Variants in SPEF2 observed in about 807,000 individuals in gnomAD.
The protein encoded by SPEF2 is sperm flagellar and cilia associated 2.
In SPEF2, 187 loss-of-function variants were observed where a neutral mutation model predicts 224.6. The observed-to-expected ratio is 0.83, with a 90% CI of 0.74 to 0.94. SPEF2 has a LOEUF of 0.94. SPEF2 is among the 40% of genes least tolerant of loss of function. The pLI, the probability that SPEF2 is intolerant of heterozygous loss-of-function variation, is 0.00. For missense variants in SPEF2, 2,170 were observed against 2,135.6 expected, an observed-to-expected ratio of 1.02 and a Z score of -0.32; for synonymous variants, 715 against 707.3, an observed-to-expected ratio of 1.01 and a Z score of -0.17.
chr5:35,694,378 C>G lies in SPEF2; in HGVS notation c.1975+15C>G, dbSNP rs765514030. ...AACAATGCTTAGTAAGATCTCAAAA[C>G]AAATCATCTATTATTTACATTAGAG... On this transcript the variant is annotated intron_variant, in intron 13 of 36. Transcript: ENST00000356031. 1.3e-6 allele frequency: 2 copies of G among 1,592,852 alleles called. No homozygotes were observed. The highest frequency in any genetic ancestry group is 2.3e-5 in the East Asian group (1 of 43,852).
In SPEF2 at chr5:35,749,807, C is replaced by G. The variant is rs573575686; in HGVS notation, c.3331-3817C>G. On this transcript the variant is annotated intron_variant, in intron 23 of 36. Coordinates refer to ENST00000356031, the MANE Select transcript of SPEF2 (RefSeq NM_024867.4). Reference sequence around the variant, plus strand: ...AGCAATCTACAAATTCAATGCAATCCCCATCAAAATACCACCAACAGTCTT... The same window carrying G: ...AGCAATCTACAAATTCAATGCAATCGCCATCAAAATACCACCAACAGTCTT... Among the ~76,000 whole-genome samples, 35 of 152,062 alleles carry G rather than the reference C, an allele frequency of 2.3e-4. 1 individual carries two copies. Among genetic ancestry groups the G allele is most frequent in the African/African-American group, 8.2e-4 (34 of 41,488 alleles).
rs1179331525 is a variant in SPEF2 at position 35,751,033 on chromosome 5, ATACACATATG to A, written c.3331-2588_3331-2579del. On this transcript the variant is annotated intron_variant, in intron 23 of 36. Coordinates refer to ENST00000356031, the MANE Select transcript of SPEF2 (RefSeq NM_024867.4). ...TATACGTATATATATACGTATATAT[ATACACATATG>A]TATATATATATACGTATATATATGT... Among the ~76,000 whole-genome samples the A allele has an allele frequency of 3.7e-3, 364 of 98,088 alleles. 10 individuals carry two copies. Among genetic ancestry groups the A allele is most frequent in the African/African-American group, 0.013 (341 of 25,680 alleles). 64.3% of individuals were successfully genotyped at this position (98,088 alleles called of 152,430 possible).
chr5:35,751,428 T>C (rs997354721), intron 23 of SPEF2, among the ~76,000 whole-genome samples: 2 of 151,416 alleles, frequency 1.3e-5, no homozygotes, highest in Non-Finnish European at 2.9e-5. Context: ...AACTTACTTA[T>C]GTACCCAAAT....
At chr5:35,733,946 T>C (rs1415176797) in intron 21 of SPEF2, among the ~76,000 whole-genome samples, 1 of 152,220 alleles carries the variant, frequency 6.6e-6, no homozygotes, top group Non-Finnish European at 1.5e-5. Context: ...TAAGTTGTTG[T>C]AGGACTTTAA....
intron 15 of SPEF2, 66 bp from the exon 16 acceptor site, chr5:35,700,430 C>A: frequency 7.2e-7 from 1 of 1,389,626 alleles, no homozygotes; most frequent in African/African-American, 1.4e-5. Context: ...AGGAAAGATT[C>A]ATCATAGTAT....
chr5:35,754,958 A>C (rs1025639243), intron 24 of SPEF2, among the ~76,000 whole-genome samples: 4 of 152,280 alleles, frequency 2.6e-5, no homozygotes, highest in Admixed American at 2.6e-4. Flanking sequence ...ACATGCTGGT[A>C]CTTCCAGCCT....
intron 9 of SPEF2, among the ~76,000 whole-genome samples, chr5:35,669,663 A>T (rs1386729971): frequency 2.6e-5 from 4 of 152,018 alleles, no homozygotes; most frequent in Non-Finnish European, 5.9e-5. Context: ...TGACTGTTTC[A>T]TAGCAGAACA....
chr5:35,710,935 G>C, intron 19 of SPEF2: 1 of 964,402 alleles, frequency 1.0e-6, no homozygotes, highest in Non-Finnish European at 1.2e-6. Context: ...TTAATCTCGA[G>C]AGTCTTAATT....
chr5:35,670,167 A>G lies in SPEF2; in HGVS notation c.1464A>G (p.Glu488=). The G allele has an allele frequency of 1.2e-6, 2 of 1,612,458 alleles. No individual in the cohort carries two copies. Among genetic ancestry groups the G allele is most frequent in the Non-Finnish European group, 1.7e-6 (2 of 1,178,942 alleles). The change falls in exon 10 of 37, where the codon GAA becomes GAG. Residue 488 remains glutamate, a synonymous_variant. Transcript: ENST00000356031. ...CACTACCTGCTAACCCCTCAAGAGA[A>G]CAACTTACAGAACTGGAGAAAAGGG... is the stretch of plus-strand genomic sequence containing the variant. ...VKTLPANPSR[E]QLTELEKRDL...
chr5:35,737,662 C>T lies in SPEF2; in HGVS notation c.3064-2257C>T, dbSNP rs187361101. Reference sequence around the variant, plus strand: ...AAGTCTTTGCTATTGTGAATAGTGCCGCAATAAACATACGTATGCATGTGT... The same window carrying T: ...AAGTCTTTGCTATTGTGAATAGTGCTGCAATAAACATACGTATGCATGTGT... On this transcript the variant is annotated intron_variant, in intron 21 of 36. Coordinates refer to ENST00000356031, the MANE Select transcript of SPEF2 (RefSeq NM_024867.4). Among the ~76,000 whole-genome samples the T allele has an allele frequency of 2.5e-4, 38 of 152,084 alleles. No individual in the cohort carries two copies. The East Asian group carries it at 4.8e-3, about 19-fold the overall frequency.
intron 10 of SPEF2, chr5:35,670,452 A>G (rs1220629226): frequency 8.5e-7 from 1 of 1,173,610 alleles, no homozygotes; most frequent in African/African-American, 1.6e-5. Flanking sequence ...GGTCTGAAAA[A>G]ACATCAAGCA....
intron 23 of SPEF2, among the ~76,000 whole-genome samples, chr5:35,744,748 T>A (rs1748205828): frequency 6.6e-6 from 1 of 152,126 alleles, no homozygotes; most frequent in Non-Finnish European, 1.5e-5. Flanking sequence ...AGGGAGACTC[T>A]GTCTAAAAAA....
At chr5:35,690,198 T>C (rs983146950) in intron 10 of SPEF2, among the ~76,000 whole-genome samples, 2 of 152,070 alleles carry the variant, frequency 1.3e-5, no homozygotes, top group Admixed American at 6.5e-5. Context: ...TAAACATTTA[T>C]CTTTTCTTTA....
At chr5:35,771,854 T>C in intron 27 of SPEF2, 98 bp downstream of exon 27, 1 of 1,386,384 alleles carries the variant, frequency 7.2e-7, no homozygotes. Context: ...TCTAAGCCAC[T>C]AAAATACTAC....
At position 35,709,081 on chromosome 5, in the gene SPEF2, G is replaced by A; in HGVS notation, c.2799G>A (p.Val933=). The part of the protein sequence containing the change: ...EKEKEIHQSH[V]ASKTPTAKGK... Reference sequence around the variant, plus strand: ...AGAAGGAAATTCATCAAAGCCATGTGGCTTCAAAAACTCCTACTGCAAAAG... The same window carrying A: ...AGAAGGAAATTCATCAAAGCCATGTAGCTTCAAAAACTCCTACTGCAAAAG... Residue 933 remains valine (V), a synonymous_variant, in exon 19 of 37, where the codon GTG becomes GTA. Coordinates refer to ENST00000356031, the MANE Select transcript of SPEF2 (RefSeq NM_024867.4). 3.7e-6 allele frequency: 6 copies of A among 1,613,726 alleles called. No individual in the cohort carries two copies. Among genetic ancestry groups the A allele is most frequent in the Non-Finnish European group, 5.1e-6 (6 of 1,179,892 alleles).
chr5:35,644,665 T>TCA, intron 4 of SPEF2, 140 bp downstream of exon 4: 1 of 525,510 alleles, frequency 1.9e-6, no homozygotes, highest in South Asian at 5.0e-5. Flanking sequence ...TGCCCTACTC[T>TCA]CACCCTTTCT....
At chr5:35,676,249 G>C (rs372738859) in intron 10 of SPEF2, among the ~76,000 whole-genome samples, 47 of 152,168 alleles carry the variant, frequency 3.1e-4, no homozygotes, top group African/African-American at 1.1e-3. Context: ...TCCCTCCTCT[G>C]TGAGACCAGG....
chr5:35,670,706 G>A (rs1305442004), intron 10 of SPEF2: 6 of 985,514 alleles, frequency 6.1e-6, no homozygotes, highest in Non-Finnish European at 6.0e-6. Context: ...AAAAAGTATC[G>A]GGTGCCAACT....
At chr5:35,749,239 T>C (rs1193361780) in intron 23 of SPEF2, among the ~76,000 whole-genome samples, 1 of 152,034 alleles carries the variant, frequency 6.6e-6, no homozygotes, top group African/African-American at 2.4e-5. Flanking sequence ...AACCCACAGC[T>C]ACCATAATAC....
Sources: gnomAD v4.1 joint callset for allele counts (sites outside exome capture counted in the v4.1 genomes callset) on GRCh38, gnomAD v4.1.1 for gene constraint, MANE v1.5 for transcripts, NCBI Gene and HGNC (gene_info 2026-07-23, HGNC 2026-07-21) for gene names.